Variants in FYB2 observed in about 807,000 individuals in gnomAD.
FYB2 encodes the protein FYN-binding protein 2.
FYB2 carries 103 observed loss-of-function variants against 94.1 expected under a neutral mutation model. The observed-to-expected ratio is 1.09, with a 90% CI of 0.93 to 1.29. FYB2 has a LOEUF of 1.29. Among genes scored for constraint, FYB2 ranks in the 50% most tolerant of loss-of-function variants. FYB2 has a pLI of 0.00. For synonymous variants in FYB2, 293 were observed against 287.9 expected, an observed-to-expected ratio of 1.02 and a Z score of -0.18; for missense variants, 896 against 841.5, an observed-to-expected ratio of 1.06 and a Z score of -0.80.
rs563435067 is a variant in FYB2, at chr1:56,792,623, G to T, written c.190C>A (p.Pro64Thr). 16 of 1,614,074 alleles carry T rather than the reference G, an allele frequency of 9.9e-6. No individual in the cohort carries two copies. The South Asian group carries it at 1.2e-4, about 12-fold the overall frequency. The change falls in exon 2 of 20, where the codon CCA (proline) becomes ACA (threonine). Residue 64 changes from proline to threonine, a missense_variant. By Grantham distance (38) the Pro-to-Thr change is conservative. Transcript: ENST00000343433. Reference protein sequence around the residue: ...PLSSNHKQRTPYCSSSESQPL... With the variant: ...PLSSNHKQRTTYCSSSESQPL... ...TGGGACTCACTACTGGAACAGTATGGTGTGCGCTGCTTGTGGTTGGATGAG... is the reference window on the plus strand; with the variant it reads ...TGGGACTCACTACTGGAACAGTATGTTGTGCGCTGCTTGTGGTTGGATGAG...
chr1:56,736,239 A>G (rs1411468041), intron 15 of FYB2, among the ~76,000 whole-genome samples: 2 of 152,132 alleles, frequency 1.3e-5, no homozygotes, highest in South Asian at 2.1e-4. Flanking sequence ...TGTTGGATTT[A>G]ACAAAGGAGT....
At chr1:56,762,665 G>C (rs1645526536) in intron 5 of FYB2, among the ~76,000 whole-genome samples, 1 of 152,104 alleles carries the variant, frequency 6.6e-6, no homozygotes, top group South Asian at 2.1e-4. Flanking sequence ...TTTCTATCTA[G>C]ATAATCATGC....
At chr1:56,749,104 G>A (rs1316866724) in intron 9 of FYB2, among the ~76,000 whole-genome samples, 1 of 150,386 alleles carries the variant, frequency 6.6e-6, no homozygotes, top group Admixed American at 6.6e-5. Context: ...CTGTTTTTAA[G>A]GTCTTTTAAG....
chr1:56,824,575 C>T (rs2101145514), upstream of FYB2: 1 of 152,362 alleles, frequency 6.6e-6, no homozygotes, highest in East Asian at 1.9e-4. Context: ...CATAGCTTCT[C>T]TCTCACACTC....
chr1:56,774,619 C>T (rs895139326), intron 4 of FYB2, among the ~76,000 whole-genome samples: 2 of 152,016 alleles, frequency 1.3e-5, no homozygotes, highest in African/African-American at 2.4e-5. Context: ...TACACGCATA[C>T]ACACAATCCT....
Position 56,753,928 on chromosome 1 carries a change from G to A in FYB2, c.1138C>T (p.His380Tyr). The change falls in exon 8 of 20, where the codon CAT becomes TAT. Residue 380 changes from histidine to tyrosine, a missense_variant. Coordinates refer to ENST00000343433, the MANE Select transcript of FYB2 (RefSeq NM_001004303.5). ...NFPYPEPSAK[H>Y]EDKKMKEKQP... ...TTTTCCTTCATTTTTTTATCTTCAT[G>A]TTTAGCACTGAAATGTGAAGAGATA... 2 of 1,592,828 alleles carry A rather than the reference G, an allele frequency of 1.3e-6. No individual in the cohort carries two copies. The highest frequency in any genetic ancestry group is 1.7e-6 in the Non-Finnish European group (2 of 1,167,354).
intron 8 of FYB2, among the ~76,000 whole-genome samples, chr1:56,753,042 A>G (rs1167272972): frequency 6.6e-6 from 1 of 152,040 alleles, no homozygotes; most frequent in Middle Eastern, 3.2e-3. Context: ...TGAACACCCA[A>G]CATGGTCCAG....
chr1:56,756,689 A>G (rs1216575276), intron 6 of FYB2, among the ~76,000 whole-genome samples: 1 of 152,140 alleles, frequency 6.6e-6, no homozygotes, highest in Non-Finnish European at 1.5e-5. Context: ...TATCTTTGTT[A>G]CATGATTTAC....
intron 17 of FYB2, among the ~76,000 whole-genome samples, chr1:56,721,920 C>T (rs1644492205): frequency 6.6e-6 from 1 of 151,972 alleles, no homozygotes; most frequent in South Asian, 2.1e-4. Context: ...GTGCCTGGCA[C>T]AAGTGAGCTA....
At chr1:56,727,662 A>G (rs554488535) in intron 15 of FYB2, among the ~76,000 whole-genome samples, 42 of 152,272 alleles carry the variant, frequency 2.8e-4, no homozygotes, top group African/African-American at 8.9e-4. Context: ...CAAGGAAATG[A>G]AAACACCAAA....
Position 56,737,104 on chromosome 1 carries a change from C to A in FYB2, c.1776G>T (p.Leu592=). ...QEVIIYDDVD[L]SEKESKDEDK... is the part of the protein sequence containing the mutation. ...TTACTTACTTTGACTCTTTTTCACTCAGGTCTACATCATCATAAATAATAA... is the reference window on the plus strand; with the variant it reads ...TTACTTACTTTGACTCTTTTTCACTAAGGTCTACATCATCATAAATAATAA... Residue 592 remains leucine, a synonymous_variant, in exon 15 of 20, where the codon CTG becomes CTT. Transcript: ENST00000343433. 1 of 1,605,902 alleles carries A rather than the reference C, an allele frequency of 6.2e-7. No individual in the cohort carries two copies. Among genetic ancestry groups the A allele is most frequent in the South Asian group, 1.1e-5 (1 of 90,242 alleles).
At chr1:56,728,750 ACTCT>A (rs1490515091) in intron 15 of FYB2, among the ~76,000 whole-genome samples, 1 of 151,894 alleles carries the variant, frequency 6.6e-6, no homozygotes, top group East Asian at 1.9e-4. Flanking sequence ...CCCTATATCC[ACTCT>A]CTTTCAAAAA....
At chr1:56,746,204 C>T (rs1368065937) in intron 9 of FYB2, among the ~76,000 whole-genome samples, 3 of 151,930 alleles carry the variant, frequency 2.0e-5, no homozygotes, top group African/African-American at 4.8e-5. Flanking sequence ...GCTATACACC[C>T]CCATTTCCTA....
intron 1 of FYB2, among the ~76,000 whole-genome samples, chr1:56,804,582 T>C (rs1646596354): frequency 6.6e-6 from 1 of 151,814 alleles, no homozygotes; most frequent in Non-Finnish European, 1.5e-5. Flanking sequence ...AAACAAAAAT[T>C]AGCTGGGCAT....
intron 4 of FYB2, among the ~76,000 whole-genome samples, chr1:56,782,266 C>A (rs932247085): frequency 6.6e-6 from 1 of 152,076 alleles, no homozygotes; most frequent in Non-Finnish European, 1.5e-5. Flanking sequence ...CCTTTCTTGA[C>A]CATCCTAAGC....
chr1:56,739,604 G>A (rs6588649), intron 13 of FYB2, among the ~76,000 whole-genome samples: 1 of 151,892 alleles, frequency 6.6e-6, no homozygotes, highest in Non-Finnish European at 1.5e-5. Context: ...CTACACAGAT[G>A]TTCCCAGCCT....
chr1:56,791,656 GA>G (rs1367228878), intron 2 of FYB2, among the ~76,000 whole-genome samples: 1 of 151,940 alleles, frequency 6.6e-6, no homozygotes, highest in Non-Finnish European at 1.5e-5. Context: ...GAGGAGAAGG[GA>G]AATAGAGCAT....
At chr1:56,813,164 T>A (rs183945353) in intron 1 of FYB2, among the ~76,000 whole-genome samples, 120 of 152,320 alleles carry the variant, frequency 7.9e-4, no homozygotes, top group Non-Finnish European at 1.0e-3. Context: ...ACATCAGTCA[T>A]ACTGGATTAA....
At chr1:56,748,578 C>T (rs1401238842) in intron 9 of FYB2, among the ~76,000 whole-genome samples, 1 of 151,498 alleles carries the variant, frequency 6.6e-6, no homozygotes, top group Non-Finnish European at 1.5e-5. Flanking sequence ...GTTACCTTCT[C>T]ACTCTTTTAA....
Sources: gnomAD v4.1 joint callset for allele counts (sites outside exome capture counted in the v4.1 genomes callset) on GRCh38, gnomAD v4.1.1 for gene constraint, MANE v1.5 for transcripts, NCBI Gene and HGNC (gene_info 2026-07-23, HGNC 2026-07-21) for gene names.